Variants in MGAT4C observed in about 807,000 individuals in gnomAD.
MGAT4C encodes the protein MGAT4 family member C, also known as alpha-1,3-mannosyl-glycoprotein 4-beta-N-acetylglucosaminyltransferase C.
A neutral mutation model predicts 40.1 loss-of-function variants in MGAT4C; 19 were observed. The observed-to-expected ratio is 0.47, with a 90% CI of 0.33 to 0.70. The LOEUF (loss-of-function observed/expected upper bound fraction) is 0.70, where lower values mean the gene tolerates loss of function less well. MGAT4C is among the 30% of genes least tolerant of loss of function. The pLI, the probability that MGAT4C is intolerant of heterozygous loss-of-function variation, is 0.02. For missense variants in MGAT4C, 491 were observed against 563.2 expected (o/e 0.87, Z 1.30); for synonymous variants, 181 against 187.1 (o/e 0.97, Z 0.27).
Position 86,194,456 on chromosome 12 carries a change from A to ATT in MGAT4C, c.-57+61781_-57+61782dup, listed in dbSNP as rs763005541. 3.0e-3 allele frequency among the ~76,000 whole-genome samples: 428 copies of ATT among 142,816 alleles called. 1 individual carries two copies. Among genetic ancestry groups the ATT allele is most frequent in the African/African-American group, 8.4e-3 (328 of 39,076 alleles). 93.7% of individuals were successfully genotyped at this position (142,816 alleles called of 152,430 possible). ...GAGGCAGGAGAGTAGGAGCAAATCA[A>ATT]TTTTTTTTTTTTTTTGAGACAGAGT... On this transcript the variant is annotated intron_variant, in intron 1 of 4. Coordinates refer to ENST00000611864, the MANE Select transcript of MGAT4C (RefSeq NM_001351288.2).
chr12:86,321,777 A>G (rs1050016486), intron 4 of MGAT4C, among the ~76,000 whole-genome samples: 2 of 152,148 alleles, frequency 1.3e-5, no homozygotes, highest in Non-Finnish European at 2.9e-5. Flanking sequence ...TGTTGGTGGG[A>G]CTGTAAACTA....
rs971197779 is a variant in MGAT4C at position 86,447,464 on chromosome 12, T to A, written c.-228-12199A>T. Among the ~76,000 whole-genome samples the A allele has an allele frequency of 2.0e-5, 3 of 152,164 alleles. No homozygotes were observed. In the South Asian group the frequency reaches 6.2e-4, roughly 31 times the overall value. ...AGAATGACTGGAAACAACTTGGCTA[T>A]CCAAGTAACAACAATTGTGTCAATA... On this transcript the variant is annotated intron_variant, in intron 2 of 7. Transcript: ENST00000548651.
chr12:86,707,873 C>T (rs1390209840), intron 2 of MGAT4C, among the ~76,000 whole-genome samples: 2 of 152,098 alleles, frequency 1.3e-5, no homozygotes, highest in Non-Finnish European at 2.9e-5. Context: ...CAAGATGTGA[C>T]TTGGGTGCTG....
chr12:86,493,196 G>T lies in MGAT4C; in HGVS notation c.-228-57931C>A, dbSNP rs1001283843. On this transcript the variant is annotated intron_variant, in intron 2 of 7. Transcript: ENST00000548651. ...AAATAGGAACACTTTTACACTGTTG[G>T]TGGGACTGTAAACTAGTTTAACCAT... Among the ~76,000 whole-genome samples, 15 of 150,840 alleles carry T rather than the reference G, an allele frequency of 9.9e-5. 1 individual carries two copies. Among genetic ancestry groups the T allele is most frequent in the African/African-American group, 3.5e-4 (14 of 40,144 alleles).
At chr12:86,347,175 A>G (rs1256894262) in intron 3 of MGAT4C, among the ~76,000 whole-genome samples, 1 of 152,158 alleles carries the variant, frequency 6.6e-6, no homozygotes, top group Non-Finnish European at 1.5e-5. Context: ...CTCCATAACA[A>G]ACTCCCTTTC....
intron 1 of MGAT4C, among the ~76,000 whole-genome samples, chr12:86,808,549 T>C (rs929105941): frequency 6.6e-6 from 1 of 152,022 alleles, no homozygotes; most frequent in African/African-American, 2.4e-5. Context: ...TTTAATTAGA[T>C]GCAAAAAAGG....
In MGAT4C at chr12:86,446,700, T is replaced by TAC. The variant is rs1461314503; in HGVS notation, c.-228-11436_-228-11435insGT. On this transcript the variant is annotated intron_variant, in intron 2 of 7. Transcript: ENST00000548651. The stretch of plus-strand genomic sequence containing the variant: ...ATATATATATATATATATATATATA[T>TAC]ATATGGATGTGATTAGCCATGGTGG... 1.2e-3 allele frequency among the ~76,000 whole-genome samples: 158 copies of TAC among 129,806 alleles called. 1 individual carries two copies. The highest frequency in any genetic ancestry group is 4.4e-3 in the African/African-American group (152 of 34,934). The allele number at this position is 129,806 out of a possible 152,430, so 85.2% of individuals were successfully genotyped here. A position where few individuals can be genotyped will look rare whatever the true frequency, so the allele number is the denominator to read the frequency against.
chr12:86,609,856 G>A (rs1191866401), intron 2 of MGAT4C, among the ~76,000 whole-genome samples: 1 of 151,246 alleles, frequency 6.6e-6, no homozygotes, highest in African/African-American at 2.4e-5. Context: ...AAAGAGGGAT[G>A]TAGAATATAC....
intron 2 of MGAT4C, chr12:86,599,569 G>A (rs952163317): frequency 6.6e-6 from 1 of 152,076 alleles, no homozygotes; most frequent in South Asian, 2.1e-4. Context: ...CCAAATAATG[G>A]AGACTTACAT....
At chr12:86,441,813 G>A (rs912319577) in intron 2 of MGAT4C, among the ~76,000 whole-genome samples, 1 of 152,156 alleles carries the variant, frequency 6.6e-6, no homozygotes, top group Admixed American at 6.5e-5. Context: ...ACATACATGT[G>A]CATGTGCTTT....
At chr12:86,671,160 T>G (rs1192602005) in intron 2 of MGAT4C, among the ~76,000 whole-genome samples, 1 of 152,256 alleles carries the variant, frequency 6.6e-6, no homozygotes, top group Non-Finnish European at 1.5e-5. Context: ...ATGAGTTTTC[T>G]GAAATAGGCG....
At chr12:86,406,041 TATA>T (rs1350761570) in intron 3 of MGAT4C, among the ~76,000 whole-genome samples, 2 of 144,576 alleles carry the variant, frequency 1.4e-5, no homozygotes, top group Non-Finnish European at 3.0e-5. Flanking sequence ...TACAATTATA[TATA>T]ATTATTATAT....
chr12:86,276,148 T>C (rs911391892), intron 4 of MGAT4C, among the ~76,000 whole-genome samples: 5 of 151,632 alleles, frequency 3.3e-5, no homozygotes, highest in African/African-American at 1.2e-4. Context: ...TAAATTTGTG[T>C]AGTTTTAAAC....
intron 3 of MGAT4C, among the ~76,000 whole-genome samples, chr12:86,384,589 T>C (rs546262005): frequency 1.3e-5 from 2 of 152,356 alleles, no homozygotes; most frequent in East Asian, 1.9e-4. Context: ...AACATCTAAA[T>C]TGTGAAAATA....
At chr12:86,838,372 CA>C (rs1953083676) in intron 1 of MGAT4C, among the ~76,000 whole-genome samples, 1 of 152,058 alleles carries the variant, frequency 6.6e-6, no homozygotes, top group Non-Finnish European at 1.5e-5. Context: ...ATTGCAGCTA[CA>C]AAAGGAAAAT....
intron 2 of MGAT4C, among the ~76,000 whole-genome samples, chr12:86,492,544 G>A (rs985750541): frequency 2.6e-5 from 4 of 152,164 alleles, no homozygotes; most frequent in Non-Finnish European, 4.4e-5. Context: ...AAGCAATGGG[G>A]AAAGGATTCC....
intron 3 of MGAT4C, among the ~76,000 whole-genome samples, chr12:86,345,999 G>GTT (rs1955024367): frequency 6.6e-6 from 1 of 152,052 alleles, no homozygotes; most frequent in Non-Finnish European, 1.5e-5. Flanking sequence ...TTTCTCTGAT[G>GTT]GCCAGTGATG....
intron 2 of MGAT4C, among the ~76,000 whole-genome samples, chr12:86,009,577 A>G (rs959055868): frequency 3.9e-5 from 6 of 151,990 alleles, no homozygotes; most frequent in African/African-American, 1.4e-4. Context: ...AAATGACCTC[A>G]TTTCCCACCC....
intron 1 of MGAT4C, among the ~76,000 whole-genome samples, chr12:86,103,331 A>G (rs1479576525): frequency 6.6e-6 from 1 of 152,176 alleles, no homozygotes; most frequent in Non-Finnish European, 1.5e-5. Context: ...AGTGGCCCCA[A>G]GTATATGCAT....
Sources: gnomAD v4.1 joint callset for allele counts (sites outside exome capture counted in the v4.1 genomes callset) on GRCh38, gnomAD v4.1.1 for gene constraint, MANE v1.5 for transcripts, NCBI Gene and HGNC (gene_info 2026-07-23, HGNC 2026-07-21) for gene names.